DOK6: variants seen among roughly 807,000 people sequenced by gnomAD.
The protein encoded by DOK6 is docking protein 6.
A neutral mutation model predicts 44.0 loss-of-function variants in DOK6; 22 were observed. The ratio of observed to expected loss-of-function variants is 0.50; its 90% CI spans 0.36 to 0.71. The LOEUF is 0.71. Ranked by LOEUF, DOK6 falls within the 30% of genes least tolerant of loss-of-function variation. DOK6 has a pLI of 0.00. For synonymous variants in DOK6, 166 were observed against 145.5 expected (o/e 1.14, Z -1.01); for missense variants, 340 against 416.4 (o/e 0.82, Z 1.60).
chr18:69,551,431 C>A (rs916378056), intron 1 of DOK6, among the ~76,000 whole-genome samples: 1 of 152,100 alleles, frequency 6.6e-6, no homozygotes, highest in East Asian at 1.9e-4. Flanking sequence ...TCAACAACTA[C>A]CTTTTATTCA....
chr18:69,771,972 A>G (rs1479885725), intron 7 of DOK6, among the ~76,000 whole-genome samples: 1 of 151,518 alleles, frequency 6.6e-6, no homozygotes, highest in Non-Finnish European at 1.5e-5. Context: ...TACACTGAAA[A>G]CATAGAACAT....
chr18:69,713,764 A>G (rs964526909), intron 5 of DOK6, among the ~76,000 whole-genome samples: 1 of 152,146 alleles, frequency 6.6e-6, no homozygotes, highest in African/African-American at 2.4e-5. Context: ...ACTATATCAT[A>G]CCTTTTTTAC....
chr18:69,537,970 T>C (rs1228808726), intron 1 of DOK6, among the ~76,000 whole-genome samples: 1 of 152,176 alleles, frequency 6.6e-6, no homozygotes, highest in African/African-American at 2.4e-5. Flanking sequence ...TTGAAGGATT[T>C]TTAAAAAGGA....
In DOK6 at chr18:69,640,718, TA is replaced by T. The variant is rs370173717; in HGVS notation, c.290-37010del. ...CTTGTTAGTATGACCAGCAAGACAT[TA>T]AAAAATATTTCCTTTTTCCAAGACC... On this transcript the variant is annotated intron_variant, in intron 3 of 7. Coordinates refer to ENST00000382713, the MANE Select transcript of DOK6 (RefSeq NM_152721.6). Among the ~76,000 whole-genome samples the T allele has an allele frequency of 3.9e-4, 59 of 152,276 alleles. 1 individual carries two copies. The highest frequency in any genetic ancestry group is 3.4e-3 in the Middle Eastern group (1 of 294).
chr18:69,789,554 T>G (rs575420857), intron 7 of DOK6, among the ~76,000 whole-genome samples: 1 of 152,226 alleles, frequency 6.6e-6, no homozygotes, highest in East Asian at 1.9e-4. Flanking sequence ...CACAAGAAAC[T>G]GCTGGTCACT....
intron 7 of DOK6, among the ~76,000 whole-genome samples, chr18:69,775,736 A>G (rs1980043389): frequency 1.3e-5 from 2 of 151,890 alleles, no homozygotes; most frequent in African/African-American, 4.8e-5. Context: ...GTTATAAAAG[A>G]GAAGGAAGAA....
At chr18:69,561,746 TAAGA>T (rs1982838095) in intron 1 of DOK6, among the ~76,000 whole-genome samples, 1 of 152,124 alleles carries the variant, frequency 6.6e-6, no homozygotes, top group African/African-American at 2.4e-5. Flanking sequence ...GAAAAGGATG[TAAGA>T]AAGAAAGAGT....
intron 3 of DOK6, among the ~76,000 whole-genome samples, chr18:69,631,840 C>A (rs942187390): frequency 1.3e-5 from 2 of 152,200 alleles, no homozygotes; most frequent in African/African-American, 4.8e-5. Flanking sequence ...ATTTCACAAA[C>A]CTGTTTCCTG....
intron 3 of DOK6, chr18:69,643,537 CT>C (rs1340258552): frequency 1.2e-4 from 19 of 152,074 alleles, no homozygotes; most frequent in Admixed American, 1.2e-3. Context: ...TGGGGATTGG[CT>C]TTTTTCTCTC....
At chr18:69,685,209 G>A (rs10513972) in intron 4 of DOK6, among the ~76,000 whole-genome samples, 20,746 of 151,880 alleles carry the variant, frequency 0.14, 1,495 homozygotes, top group Middle Eastern at 0.19. Flanking sequence ...TTTGGTATAC[G>A]TAAGTTTCGA....
intron 7 of DOK6, among the ~76,000 whole-genome samples, chr18:69,836,276 C>T (rs2145136643): frequency 6.6e-6 from 1 of 151,710 alleles, no homozygotes; most frequent in Non-Finnish European, 1.5e-5. Flanking sequence ...TTGTGTGATA[C>T]TCTTGAGTTC....
chr18:69,528,979 C>T (rs1346132375), intron 1 of DOK6, among the ~76,000 whole-genome samples: 1 of 152,130 alleles, frequency 6.6e-6, no homozygotes, highest in Non-Finnish European at 1.5e-5. Context: ...AAGTCAACTG[C>T]ATTTCTAGAA....
intron 3 of DOK6, among the ~76,000 whole-genome samples, chr18:69,621,885 T>C (rs751648252): frequency 1.3e-5 from 2 of 152,154 alleles, no homozygotes; most frequent in Admixed American, 1.3e-4. Flanking sequence ...AAATAAAAAA[T>C]GATCTTACAG....
At chr18:69,443,246 A>C (rs1375915319) in intron 1 of DOK6, among the ~76,000 whole-genome samples, 1 of 152,158 alleles carries the variant, frequency 6.6e-6, no homozygotes, top group Non-Finnish European at 1.5e-5. Context: ...TGAATATGAC[A>C]TTTGACTACC....
intron 7 of DOK6, among the ~76,000 whole-genome samples, chr18:69,799,252 T>C (rs1980834596): frequency 6.6e-6 from 1 of 152,070 alleles, no homozygotes; most frequent in Non-Finnish European, 1.5e-5. Context: ...ATTAAGATGT[T>C]TCAAAATTAG....
intron 1 of DOK6, among the ~76,000 whole-genome samples, chr18:69,428,788 A>G (rs1978714749): frequency 6.6e-6 from 1 of 152,252 alleles, no homozygotes; most frequent in South Asian, 2.1e-4. Flanking sequence ...AAAAGTAAAA[A>G]TAAAAGGACT....
intron 3 of DOK6, among the ~76,000 whole-genome samples, chr18:69,602,736 GT>G (rs1983901785): frequency 6.6e-6 from 1 of 151,900 alleles, no homozygotes; most frequent in African/African-American, 2.4e-5. Context: ...AGATTTTTTT[GT>G]TTAAAAATAA....
intron 7 of DOK6, among the ~76,000 whole-genome samples, chr18:69,812,969 G>A (rs770164289): frequency 3.9e-5 from 6 of 152,048 alleles, no homozygotes; most frequent in Non-Finnish European, 7.4e-5. Flanking sequence ...AGATTTGGGT[G>A]GGGACACAAA....
Position 69,843,621 on chromosome 18 carries a change from C to T in DOK6, c.*2238C>T, listed in dbSNP as rs991002801. The T allele has an allele frequency of 6.7e-6, 1 of 150,114 alleles. No individual in the cohort carries two copies. The highest frequency in any genetic ancestry group is 2.4e-5 in the African/African-American group (1 of 41,308). The allele number at this position is 150,114 out of a possible 1,614,324, so 9.3% of individuals were successfully genotyped here. ...ATCAGATGAGTCTGCTCTTGTGTCT[C>T]TTTCTTAGGAGACAAATACCTGTAT... On this transcript the variant is annotated 3_prime_UTR_variant, in exon 8 of 8. Transcript: ENST00000382713.
Sources: allele counts gnomAD v4.1 joint callset (sites outside exome capture counted in the v4.1 genomes callset), GRCh38; gene constraint gnomAD v4.1.1; transcripts MANE v1.5; gene names NCBI Gene and HGNC (gene_info 2026-07-23, HGNC 2026-07-21).